The following IL1RAPL2 variants were observed in gnomAD, a reference collection of about 807,000 sequenced individuals.
The protein encoded by IL1RAPL2 is interleukin 1 receptor accessory protein like 2.
IL1RAPL2 carries 3 observed loss-of-function variants against 44.1 expected under a neutral mutation model. That is an observed-to-expected ratio of 0.07 (90% CI 0.03 to 0.18). IL1RAPL2 has a LOEUF of 0.18. IL1RAPL2 is among the 10% of genes least tolerant of loss of function. The probability of loss-of-function intolerance (pLI) is 1.00; values close to 1 mark genes in which losing one functional copy is unlikely to be tolerated. For synonymous variants in IL1RAPL2, 181 were observed against 178.8 expected (o/e 1.01, Z -0.10); for missense variants, 391 against 496.4 (o/e 0.79, Z 2.02).
chrX:104,974,925 G>A (rs1433009797), intron 2 of IL1RAPL2, among the ~76,000 whole-genome samples: 1 of 112,160 alleles, frequency 8.9e-6, no homozygotes, highest in Non-Finnish European at 1.9e-5. Flanking sequence ...TCTGGCCCAG[G>A]GGCCTGCGAG....
At chrX:104,597,363 A>AG (rs1332141852) in intron 1 of IL1RAPL2, among the ~76,000 whole-genome samples, 7 of 105,841 alleles carry the variant, frequency 6.6e-5, no homozygotes, top group South Asian at 4.0e-4. Context: ...AAAAAAAAAA[A>AG]AGAGAGAGAC....
At position 105,305,276 on chromosome X, in the gene IL1RAPL2, T is replaced by C. The variant is rs759233892; in HGVS notation, c.697+37735T>C. Reference sequence around the variant, plus strand: ...CTGCAGTACAACACAGTACTCATAGTTAACAGTACAGTATTGTGCACTTTG... The same window carrying C: ...CTGCAGTACAACACAGTACTCATAGCTAACAGTACAGTATTGTGCACTTTG... On this transcript the variant is annotated intron_variant, in intron 5 of 10. Coordinates refer to ENST00000372582, the MANE Select transcript of IL1RAPL2 (RefSeq NM_017416.2). Among the ~76,000 whole-genome samples the C allele has an allele frequency of 3.6e-5, 4 of 111,300 alleles. No individual in the cohort carries two copies. The East Asian group carries it at 1.1e-3, about 32-fold the overall frequency.
At chrX:105,026,644 A>T (rs2031377698) in intron 2 of IL1RAPL2, among the ~76,000 whole-genome samples, 1 of 111,002 alleles carries the variant, frequency 9.0e-6, no homozygotes, top group Admixed American at 9.7e-5. Flanking sequence ...GAAATGAAAG[A>T]TCTCCATAAT....
Position 104,928,726 on chromosome X carries a change from A to T in IL1RAPL2, c.83-266749A>T, listed in dbSNP as rs767913056. Among the ~76,000 whole-genome samples the T allele has an allele frequency of 5.4e-5, 6 of 110,885 alleles. No individual in the cohort carries two copies. In the South Asian group the frequency reaches 2.3e-3, roughly 43 times the overall value. On this transcript the variant is annotated intron_variant, in intron 2 of 10. Transcript: ENST00000372582. ...AATTGGGAACCATTTGAGGGAAGGG[A>T]ACTAAACATGTACTACGTGATGTTA...
At chrX:104,823,343 T>G (rs1921359628) in intron 2 of IL1RAPL2, among the ~76,000 whole-genome samples, 1 of 111,023 alleles carries the variant, frequency 9.0e-6, no homozygotes, top group South Asian at 3.8e-4. Context: ...AGTGACAATA[T>G]GCGGTGTTTG....
At chrX:104,585,160 C>T (rs62594569) in intron 1 of IL1RAPL2, among the ~76,000 whole-genome samples, 3 of 54,138 alleles carry the variant, frequency 5.5e-5, no homozygotes, top group African/African-American at 2.0e-4. Context: ...CATATATATA[C>T]ACACATATGT....
intron 5 of IL1RAPL2, among the ~76,000 whole-genome samples, chrX:105,464,821 C>G (rs2036116879): frequency 9.0e-6 from 1 of 110,969 alleles, no homozygotes; most frequent in Admixed American, 9.6e-5. Flanking sequence ...CAGGGACCAG[C>G]CCTGGACAAG....
intron 5 of IL1RAPL2, among the ~76,000 whole-genome samples, chrX:105,474,572 C>T (rs181704644): frequency 4.5e-5 from 5 of 111,377 alleles, no homozygotes; most frequent in Non-Finnish European, 7.5e-5. Flanking sequence ...CTGCCCCCAA[C>T]GAAGATATAC....
At chrX:105,014,372 G>T (rs945886588) in intron 2 of IL1RAPL2, among the ~76,000 whole-genome samples, 3 of 110,630 alleles carry the variant, frequency 2.7e-5, no homozygotes, top group African/African-American at 9.9e-5. Flanking sequence ...GTTGAGGTTT[G>T]TTACATAGGT....
intron 2 of IL1RAPL2, among the ~76,000 whole-genome samples, chrX:104,985,205 A>T (rs2030538484): frequency 9.1e-6 from 1 of 109,736 alleles, no homozygotes. Context: ...CTTGTGCCTC[A>T]GCCTCCCAAG....
chrX:105,115,144 C>T (rs1008230248), intron 2 of IL1RAPL2, among the ~76,000 whole-genome samples: 6 of 110,702 alleles, frequency 5.4e-5, no homozygotes, highest in Non-Finnish European at 9.4e-5. Context: ...TTCTGGTGTT[C>T]GGATGTGTTT....
chrX:104,802,214 A>G (rs1227482130), intron 2 of IL1RAPL2, among the ~76,000 whole-genome samples: 1 of 109,988 alleles, frequency 9.1e-6, no homozygotes, highest in African/African-American at 3.3e-5. Context: ...GCATGGTAGC[A>G]CATGACTGTA....
chrX:105,186,672 T>C (rs1300405891), intron 2 of IL1RAPL2, among the ~76,000 whole-genome samples: 1 of 111,637 alleles, frequency 9.0e-6, no homozygotes, highest in Non-Finnish European at 1.9e-5. Flanking sequence ...AGCAGAGAAA[T>C]TATTTTGTTA....
Position 105,149,304 on chromosome X carries a change from A to G in IL1RAPL2, c.83-46171A>G, listed in dbSNP as rs749281591. ...AGAGTAACATAATAAAAGCCCTTAA[A>G]TGAAAGTTCTACAAAATCTATAAAA... On this transcript the variant is annotated intron_variant, in intron 2 of 10. Coordinates refer to ENST00000372582, the MANE Select transcript of IL1RAPL2 (RefSeq NM_017416.2). Among the ~76,000 whole-genome samples the G allele has an allele frequency of 5.4e-5, 6 of 112,083 alleles. No homozygotes were observed. The South Asian group carries it at 1.5e-3, about 28-fold the overall frequency.
chrX:105,195,693 A>G lies in IL1RAPL2; in HGVS notation c.301A>G (p.Ile101Val). ...EVRMSKEEDSIWFHSAEAQDS... is the reference protein window; with the variant it reads ...EVRMSKEEDSVWFHSAEAQDS... ...CAGGATGAGCAAAGAGGAAGATTCAATATGGTTTCACTCAGCTGAGGCACA... is the reference window on the plus strand; with the variant it reads ...CAGGATGAGCAAAGAGGAAGATTCAGTATGGTTTCACTCAGCTGAGGCACA... The change falls in exon 3 of 11, where the codon ATA becomes GTA. Residue 101 changes from isoleucine (I) to valine (V), a missense_variant. Around this residue, in one of 2 missense-constraint regions of IL1RAPL2, gnomAD observed 159 missense variants for 251.7 expected, o/e 0.63. Transcript: ENST00000372582. The G allele has an allele frequency of 8.3e-7, 1 of 1,211,671 alleles. No homozygotes were observed. Among genetic ancestry groups the G allele is most frequent in the Non-Finnish European group, 1.1e-6 (1 of 895,244 alleles).
chrX:104,601,120 T>A (rs191423912), intron 1 of IL1RAPL2, among the ~76,000 whole-genome samples: 1 of 111,972 alleles, frequency 8.9e-6, no homozygotes, highest in African/African-American at 3.2e-5. Context: ...ATGCAAACCA[T>A]GGAGCAATTT....
intron 6 of IL1RAPL2, among the ~76,000 whole-genome samples, chrX:105,654,138 TACTTTG>T (rs1170547167): frequency 1.9e-5 from 2 of 104,548 alleles, no homozygotes; most frequent in Non-Finnish European, 3.8e-5. Context: ...GAGTTACTCA[TACTTTG>T]ACCTTTGAGG....
intron 2 of IL1RAPL2, among the ~76,000 whole-genome samples, chrX:104,833,050 A>AT (rs1273870996): frequency 1.8e-5 from 2 of 112,127 alleles, no homozygotes; most frequent in Non-Finnish European, 3.8e-5. Flanking sequence ...ACTTCTGCAC[A>AT]TTTTTTTCTG....
At chrX:104,945,195 TAAGG>T (rs1243681500) in intron 2 of IL1RAPL2, among the ~76,000 whole-genome samples, 2 of 110,023 alleles carry the variant, frequency 1.8e-5, no homozygotes, top group Non-Finnish European at 3.8e-5. Context: ...GGTTACTAAA[TAAGG>T]AAGGGTGAAT....
Sources: allele counts gnomAD v4.1 joint callset (sites outside exome capture counted in the v4.1 genomes callset), GRCh38; gene constraint gnomAD v4.1.1; regional missense constraint gnomAD v4.1.1; transcripts MANE v1.5; gene names NCBI Gene and HGNC (gene_info 2026-07-23, HGNC 2026-07-21).